FHIP1A: variants seen among roughly 807,000 people sequenced by gnomAD.
FHIP1A encodes the protein FHF complex subunit HOOK-interacting protein 1A.
In FHIP1A, 61 loss-of-function variants were observed where a neutral mutation model predicts 88.6. The ratio of observed to expected loss-of-function variants is 0.69; its 90% CI spans 0.56 to 0.85. FHIP1A has a LOEUF of 0.85. Among genes scored for constraint, FHIP1A ranks in the 40% least tolerant of loss-of-function variants. The probability of loss-of-function intolerance (pLI) is 0.00; values close to 1 mark genes in which losing one functional copy is unlikely to be tolerated. For synonymous variants in FHIP1A, 478 were observed against 496.0 expected (o/e 0.96, Z 0.48); for missense variants, 1,154 against 1,273.5 (o/e 0.91, Z 1.43).
chr4:151,497,083 C>G (rs1730490838), intron 3 of FHIP1A, among the ~76,000 whole-genome samples: 1 of 152,072 alleles, frequency 6.6e-6, no homozygotes, highest in African/African-American at 2.4e-5. Flanking sequence ...GGGAAAAAGG[C>G]AGATTCATGT....
chr4:151,539,637 G>A (rs941876058), intron 3 of FHIP1A, among the ~76,000 whole-genome samples: 1 of 151,336 alleles, frequency 6.6e-6, no homozygotes, highest in Non-Finnish European at 1.5e-5. Flanking sequence ...GTTTACCAGT[G>A]CTTTCCATTC....
At chr4:151,439,598 C>T (rs1728332374) in intron 1 of FHIP1A, among the ~76,000 whole-genome samples, 1 of 152,084 alleles carries the variant, frequency 6.6e-6, no homozygotes, top group Non-Finnish European at 1.5e-5. Context: ...TCTACATTTT[C>T]TCCTCTGTAA....
intron 11 of FHIP1A, among the ~76,000 whole-genome samples, chr4:151,652,865 A>T (rs1737082126): frequency 1.3e-5 from 2 of 152,232 alleles, no homozygotes; most frequent in South Asian, 4.1e-4. Context: ...GTGCCAGCTT[A>T]TGGAGAGCCT....
At chr4:151,630,563 T>C (rs1012204755) in intron 8 of FHIP1A, among the ~76,000 whole-genome samples, 1 of 152,292 alleles carries the variant, frequency 6.6e-6, no homozygotes, top group East Asian at 1.9e-4. Context: ...AAGTAAATTC[T>C]GATAAGTTAA....
intron 3 of FHIP1A, among the ~76,000 whole-genome samples, chr4:151,484,145 A>G (rs1458631643): frequency 2.6e-5 from 4 of 152,056 alleles, no homozygotes; most frequent in African/African-American, 9.7e-5. Context: ...TGTTTTAGGG[A>G]GCTTTAATTT....
chr4:151,510,291 A>G (rs574919685), intron 3 of FHIP1A, among the ~76,000 whole-genome samples: 2 of 151,996 alleles, frequency 1.3e-5, no homozygotes, highest in Non-Finnish European at 2.9e-5. Context: ...AATTTTTTGT[A>G]GAGATGGGGG....
intron 2 of FHIP1A, among the ~76,000 whole-genome samples, chr4:151,464,660 A>G (rs1239665008): frequency 6.6e-6 from 1 of 152,216 alleles, no homozygotes; most frequent in Non-Finnish European, 1.5e-5. Context: ...GACACTCACC[A>G]GTCATCAGGA....
intron 7 of FHIP1A, among the ~76,000 whole-genome samples, chr4:151,604,929 T>C (rs1005302281): frequency 6.6e-6 from 1 of 152,094 alleles, no homozygotes; most frequent in African/African-American, 2.4e-5. Flanking sequence ...ACAAGTATCA[T>C]ACAAAAATTG....
At chr4:151,604,893 G>GT (rs1735015513) in intron 7 of FHIP1A, among the ~76,000 whole-genome samples, 1 of 151,874 alleles carries the variant, frequency 6.6e-6, no homozygotes. Flanking sequence ...ATAAAAATGA[G>GT]TTTTTGTTGG....
chr4:151,618,595 G>A (rs1289338935), intron 7 of FHIP1A, among the ~76,000 whole-genome samples: 3 of 152,130 alleles, frequency 2.0e-5, no homozygotes, highest in Non-Finnish European at 2.9e-5. Flanking sequence ...TTATGTGCTC[G>A]CCAAAATCTG....
intron 3 of FHIP1A, among the ~76,000 whole-genome samples, chr4:151,559,696 TTCAA>T (rs1326979428): frequency 6.6e-6 from 1 of 152,200 alleles, no homozygotes; most frequent in Non-Finnish European, 1.5e-5. Context: ...GTAGGGTCTT[TTCAA>T]TCATTTACCA....
At chr4:151,432,997 G>T (rs1272747754) in intron 1 of FHIP1A, among the ~76,000 whole-genome samples, 2 of 152,130 alleles carry the variant, frequency 1.3e-5, no homozygotes, top group African/African-American at 2.4e-5. Context: ...TTGTATGGTT[G>T]TATTACTAAT....
At chr4:151,629,613 C>A in intron 7 of FHIP1A, 89 bp from the exon 8 acceptor site, 1 of 1,163,208 alleles carries the variant, frequency 8.6e-7, no homozygotes. Flanking sequence ...TTGATGATGT[C>A]ACTGTGGTGA....
intron 1 of FHIP1A, among the ~76,000 whole-genome samples, chr4:151,452,543 T>G (rs1728823960): frequency 6.6e-6 from 1 of 152,140 alleles, no homozygotes; most frequent in African/African-American, 2.4e-5. Context: ...CTGGCCAAGA[T>G]GGTGAAACCC....
rs557893110 is a variant in FHIP1A, at chr4:151,422,369, GA to G, written c.-356+12915del. ...AATTGAGTTTGGGTTTGCCTCCTTT[GA>G]AAAAAAAAAATATATATATGCATTT... is the stretch of plus-strand genomic sequence containing the variant. On this transcript the variant is annotated intron_variant, in intron 1 of 13. Transcript: ENST00000435205. 7.4e-3 allele frequency among the ~76,000 whole-genome samples: 1,057 copies of G among 142,912 alleles called. 17 individuals are homozygous for G. The highest frequency in any genetic ancestry group is 0.031 in the Admixed American group (432 of 14,042). 93.8% of individuals were successfully genotyped at this position (142,912 alleles called of 152,430 possible).
chr4:151,464,864 G>C (rs115552771), intron 2 of FHIP1A, among the ~76,000 whole-genome samples: 1,667 of 128,930 alleles, frequency 0.013, 29 homozygotes, highest in African/African-American at 0.044. Flanking sequence ...GATTGTCAAA[G>C]TGTGGTCCCC....
intron 3 of FHIP1A, among the ~76,000 whole-genome samples, chr4:151,525,777 A>G (rs956743770): frequency 1.3e-4 from 10 of 77,548 alleles, no homozygotes; most frequent in Non-Finnish European, 5.5e-5. Flanking sequence ...TTAATTTTTT[A>G]TTGATCATTC....
At chr4:151,601,737 T>C (rs1232025108) in intron 7 of FHIP1A, among the ~76,000 whole-genome samples, 4 of 151,664 alleles carry the variant, frequency 2.6e-5, no homozygotes, top group African/African-American at 9.7e-5. Flanking sequence ...TGGGTTCTAG[T>C]CCTGGCTCTT....
Position 151,669,149 on chromosome 4 carries a change from A to G in FHIP1A, c.*6395A>G, listed in dbSNP as rs1020646207. ...GTGTTAATGTAAACATATCTTTAGA[A>G]TATCTCATCGGGTTTCAGTCAGAGC... On this transcript the variant is annotated 3_prime_UTR_variant, in exon 14 of 14. Coordinates refer to ENST00000435205, the MANE Select transcript of FHIP1A (RefSeq NM_001109977.3). Among the ~76,000 whole-genome samples the G allele has an allele frequency of 4.6e-5, 7 of 152,226 alleles. No homozygotes were observed. The East Asian group carries it at 7.7e-4, about 17-fold the overall frequency.
Sources: gnomAD v4.1 joint callset for allele counts (sites outside exome capture counted in the v4.1 genomes callset) on GRCh38, gnomAD v4.1.1 for gene constraint, MANE v1.5 for transcripts, NCBI Gene and HGNC (gene_info 2026-07-23, HGNC 2026-07-21) for gene names.